ZNF558: variants seen among roughly 807,000 people sequenced by gnomAD.
The protein encoded by ZNF558 is zinc finger protein 558.
Under a neutral mutation model 37.6 loss-of-function variants are expected in ZNF558, and 23 were observed. That is an observed-to-expected ratio of 0.61 (90% CI 0.44 to 0.87). The LOEUF (loss-of-function observed/expected upper bound fraction) is 0.87. Ranked by LOEUF, ZNF558 falls within the 40% of genes least tolerant of loss-of-function variation. ZNF558 has a pLI of 0.00. For missense variants in ZNF558, 429 were observed against 483.7 expected, an observed-to-expected ratio of 0.89 and a Z score of 1.06; for synonymous variants, 189 against 174.4, an observed-to-expected ratio of 1.08 and a Z score of -0.66.
intron 7 of ZNF558, among the ~76,000 whole-genome samples, chr19:8,819,223 C>T (rs373705356): frequency 2.6e-5 from 4 of 152,184 alleles, no homozygotes; most frequent in African/African-American, 9.6e-5. Flanking sequence ...CTCGTTCTGT[C>T]GCCTAGGCTG....
chr19:8,818,113 G>A (rs2043986928), intron 7 of ZNF558, among the ~76,000 whole-genome samples: 1 of 152,110 alleles, frequency 6.6e-6, no homozygotes, highest in African/African-American at 2.4e-5. Flanking sequence ...AAAAAACAAT[G>A]AACTCATACA....
chr19:8,817,055 G>A (rs2043957155), intron 7 of ZNF558, among the ~76,000 whole-genome samples: 1 of 150,990 alleles, frequency 6.6e-6, no homozygotes, highest in African/African-American at 2.4e-5. Context: ...AATCAAAATG[G>A]TCCACTAGAA....
rs1318191772 is a variant in ZNF558, at chr19:8,822,152, CT to C, written c.32-62del. The C allele has an allele frequency of 8.1e-6, 13 of 1,595,210 alleles. No homozygotes were observed. The highest frequency in any genetic ancestry group is 1.3e-5 in the African/African-American group (1 of 74,506). On this transcript the variant is annotated intron_variant, in intron 5 of 9. Coordinates refer to ENST00000601372, the MANE Select transcript of ZNF558 (RefSeq NM_144693.3). This position sits in a 1 kb window ranked among gnomAD's most constrained non-coding sequence, Gnocchi z 4.4. ...TTGTCTGACACCCACAGATCTGCCC[CT>C]GATTGACCACACCCACCTCCCACAC...
chr19:8,817,412 A>G (rs1288075281), intron 7 of ZNF558, among the ~76,000 whole-genome samples: 1 of 152,212 alleles, frequency 6.6e-6, no homozygotes, highest in Non-Finnish European at 1.5e-5. Flanking sequence ...TCAATACTTT[A>G]TTTAAAATAC....
chr19:8,830,212 G>A (rs865998537), intron 2 of ZNF558, among the ~76,000 whole-genome samples: 1 of 152,062 alleles, frequency 6.6e-6, no homozygotes, highest in African/African-American at 2.4e-5. Flanking sequence ...TGCCATGATC[G>A]TAAGTTTCCT....
intron 7 of ZNF558, among the ~76,000 whole-genome samples, chr19:8,816,062 AC>A (rs2043930624): frequency 2.6e-5 from 4 of 151,848 alleles, no homozygotes; most frequent in Admixed American, 6.6e-5. Flanking sequence ...TGAAACACAC[AC>A]ACACACACAC....
chr19:8,834,024 CA>C (rs2044423807), upstream of ZNF558, among the ~76,000 whole-genome samples: 3 of 151,632 alleles, frequency 2.0e-5, no homozygotes, highest in South Asian at 6.3e-4. Context: ...AAACCATAAA[CA>C]AAAAAAGATA....
At chr19:8,812,837 G>C (rs2043830093) in intron 8 of ZNF558, among the ~76,000 whole-genome samples, 194 bp from the exon 9 acceptor site, 1 of 152,196 alleles carries the variant, frequency 6.6e-6, no homozygotes, top group Non-Finnish European at 1.5e-5. Flanking sequence ...AGATTGACAA[G>C]AGGAGTGATC....
At chr19:8,821,385 A>G in intron 6 of ZNF558, 79 bp from the exon 7 acceptor site, 1 of 1,613,484 alleles carries the variant, frequency 6.2e-7, no homozygotes, top group Non-Finnish European at 8.5e-7. Flanking sequence ...AGGAGAACAG[A>G]GCCAGGGCTG....
chr19:8,819,064 C>T (rs1419388156), intron 7 of ZNF558, among the ~76,000 whole-genome samples: 1 of 152,134 alleles, frequency 6.6e-6, no homozygotes, highest in Non-Finnish European at 1.5e-5. Context: ...CTAGAAAATT[C>T]TTGGAAGAAA....
At chr19:8,813,073 A>C (rs782446487) in intron 8 of ZNF558, 54 bp downstream of exon 8, 35 of 1,415,184 alleles carry the variant, frequency 2.5e-5, no homozygotes, top group Admixed American at 1.4e-4. Flanking sequence ...CCCAACCCCC[A>C]AGTCACTGGC....
chr19:8,828,251 C>G (rs937278974), intron 2 of ZNF558, among the ~76,000 whole-genome samples: 5 of 152,198 alleles, frequency 3.3e-5, no homozygotes, highest in African/African-American at 1.2e-4. Context: ...CAGAGATGTT[C>G]GCTTTCCCCA....
In ZNF558 at chr19:8,808,010, T is replaced by C. The variant is rs2145156925; in HGVS notation, c.*3271A>G. On this transcript the variant is annotated 3_prime_UTR_variant, in exon 10 of 10. Coordinates refer to ENST00000601372, the MANE Select transcript of ZNF558 (RefSeq NM_144693.3). ...GGGATAATAACATTACATACTTAAGTTTATAATGCATACTGAGTTAATACT... is the reference window on the plus strand; with the variant it reads ...GGGATAATAACATTACATACTTAAGCTTATAATGCATACTGAGTTAATACT... 1 of 152,286 alleles carries C rather than the reference T, an allele frequency of 6.6e-6. No individual in the cohort carries two copies. Among genetic ancestry groups the C allele is most frequent in the East Asian group, 1.9e-4 (1 of 5,188 alleles). The allele number at this position is 152,286 out of a possible 1,614,324, so 9.4% of individuals were successfully genotyped here.
rs940676805 is a variant in ZNF558, at chr19:8,822,362, G to A, written c.31+267C>T. On this transcript the variant is annotated intron_variant, in intron 5 of 9. Transcript: ENST00000601372. This position sits in a 1 kb window ranked among gnomAD's most constrained non-coding sequence, Gnocchi z 4.4. Reference sequence around the variant, plus strand: ...AGATGAGGAAACAAGTTCCAAGGGCGTCACTGTGTTTTTATCAGATTCACA... The same window carrying A: ...AGATGAGGAAACAAGTTCCAAGGGCATCACTGTGTTTTTATCAGATTCACA... Among the ~76,000 whole-genome samples, 3 of 152,184 alleles carry A rather than the reference G, an allele frequency of 2.0e-5. No individual in the cohort carries two copies. The highest frequency in any genetic ancestry group is 2.1e-4 in the South Asian group (1 of 4,826).
At position 8,832,256 on chromosome 19, in the gene ZNF558, G is replaced by C. The variant is rs948726125; in HGVS notation, c.-640C>G. 1 of 152,002 alleles carries C rather than the reference G, an allele frequency of 6.6e-6. No individual in the cohort carries two copies. Among genetic ancestry groups the C allele is most frequent in the Non-Finnish European group, 1.5e-5 (1 of 67,980 alleles). The allele number at this position is 152,002 out of a possible 1,614,324, so 9.4% of individuals were successfully genotyped here. A position where few individuals can be genotyped will look rare whatever the true frequency, so the allele number is the denominator to read the frequency against. On this transcript the variant is annotated 5_prime_UTR_variant, in exon 1 of 10. Coordinates refer to ENST00000601372, the MANE Select transcript of ZNF558 (RefSeq NM_144693.3). ...GCCAAAAGCGCCGACTCGCGGGGAC[G>C]GAGGGACTCGCTCCCCGCTGCCCCA...
chr19:8,816,179 A>G (rs1196914570), intron 7 of ZNF558, among the ~76,000 whole-genome samples: 1 of 151,870 alleles, frequency 6.6e-6, no homozygotes, highest in Non-Finnish European at 1.5e-5. Flanking sequence ...CAATCCTTCC[A>G]CCTCAGCCTT....
rs1237646054 is a variant in ZNF558, at chr19:8,808,122, A to G, written c.*3159T>C. 5.3e-5 allele frequency: 8 copies of G among 152,224 alleles called. No homozygotes were observed. Among genetic ancestry groups the G allele is most frequent in the African/African-American group, 1.9e-4 (8 of 41,460 alleles). The allele number at this position is 152,224 out of a possible 1,614,324, so 9.4% of individuals were successfully genotyped here. A position where few individuals can be genotyped will look rare whatever the true frequency, so the allele number is the denominator to read the frequency against. On this transcript the variant is annotated 3_prime_UTR_variant, in exon 10 of 10. Coordinates refer to ENST00000601372, the MANE Select transcript of ZNF558 (RefSeq NM_144693.3). ...GGAGTTCGAGACTAGCCTGGCCAAC[A>G]TGGTGAAACCCCATCTCTACTAAAA...
Position 8,813,193 on chromosome 19 carries a change from A to G in ZNF558, c.277T>C (p.Ser93Pro), listed in dbSNP as rs2043840204. The change falls in exon 8 of 10, where the codon TCC becomes CCC. Residue 93 changes from serine (S) to proline (P), a missense_variant. Ser to Pro is a moderately conservative substitution (Grantham distance 74). Transcript: ENST00000601372. ...GCRVNKPSLI[S>P]QLEQDKKVVT... The stretch of plus-strand genomic sequence containing the variant: ...ACCTTCTTGTCTTGTTCCAACTGGG[A>G]TATCAGACTGGGTTTATTAACACGA... The G allele has an allele frequency of 6.3e-7, 1 of 1,599,006 alleles. No individual in the cohort carries two copies. Among genetic ancestry groups the G allele is most frequent in the South Asian group, 1.1e-5 (1 of 88,190 alleles).
In ZNF558 at chr19:8,809,966, T is replaced by C. The variant is rs1279392375; in HGVS notation, c.*1315A>G. 1.3e-5 allele frequency: 2 copies of C among 152,178 alleles called. No homozygotes were observed. The highest frequency in any genetic ancestry group is 4.8e-5 in the African/African-American group (2 of 41,446). 9.4% of individuals were successfully genotyped at this position (152,178 alleles called of 1,614,324 possible). A position where few individuals can be genotyped will look rare whatever the true frequency, so the allele number is the denominator to read the frequency against. ...GGGTTTCTCCATATAAGTTCTCTCA[T>C]ATACAAGAAAGAGAAGAATCACTGA... On this transcript the variant is annotated 3_prime_UTR_variant, in exon 10 of 10. Transcript: ENST00000601372.
Sources: allele counts gnomAD v4.1 joint callset (sites outside exome capture counted in the v4.1 genomes callset), GRCh38; gene constraint gnomAD v4.1.1; non-coding constraint Gnocchi (gnomAD v3.1); transcripts MANE v1.5; gene names NCBI Gene and HGNC (gene_info 2026-07-23, HGNC 2026-07-21).